Variants in HGF observed in about 807,000 individuals in gnomAD.
HGF encodes the protein fibroblast-derived tumor cytotoxic factor.
A neutral mutation model predicts 111.6 loss-of-function variants in HGF; 39 were observed. The ratio of observed to expected loss-of-function variants is 0.35; its 90% CI spans 0.27 to 0.46. The LOEUF (loss-of-function observed/expected upper bound fraction) is 0.46. Ranked by LOEUF, HGF falls within the 20% of genes least tolerant of loss-of-function variation. The pLI, the probability that HGF is intolerant of heterozygous loss-of-function variation, is 1.00. For synonymous variants in HGF, 285 were observed against 294.8 expected (o/e 0.97, Z 0.34); for missense variants, 735 against 910.5 (o/e 0.81, Z 2.48).
chr7:81,713,427 G>A (rs1789624638), intron 11 of HGF, among the ~76,000 whole-genome samples: 1 of 151,790 alleles, frequency 6.6e-6, no homozygotes, highest in Non-Finnish European at 1.5e-5. Context: ...TTGGGAGGCT[G>A]AGGCAGGAGA....
rs2116046724 is a variant in HGF at position 81,745,109 on chromosome 7, T to C, written c.637A>G (p.Thr213Ala). The C allele has an allele frequency of 2.5e-6, 4 of 1,613,918 alleles. No homozygotes were observed. The Middle Eastern group carries it at 5.0e-4, about 200-fold the overall frequency. The change falls in exon 6 of 18, where the codon ACC (threonine) becomes GCC (alanine). Residue 213 changes from threonine to alanine, a missense_variant. Thr to Ala is a moderately conservative substitution (Grantham distance 58). Transcript: ENST00000222390. ...CCTCGATAACTCTCCCCATTGCAGG[T>C]CATGCATTCAACTAATAAAATTAAA... ...IPQCSEVECM[T>A]CNGESYRGLM...
chr7:81,708,429 A>G (rs1789483982), intron 13 of HGF, among the ~76,000 whole-genome samples: 2 of 150,722 alleles, frequency 1.3e-5, no homozygotes, highest in Admixed American at 6.6e-5. Context: ...AAGTATTAAT[A>G]TATGTCTTCT....
chr7:81,734,198 T>C (rs1484620054), intron 7 of HGF, among the ~76,000 whole-genome samples: 1 of 152,124 alleles, frequency 6.6e-6, no homozygotes, highest in Non-Finnish European at 1.5e-5. Flanking sequence ...CCAGTTAACA[T>C]TGAAAATATC....
chr7:81,761,410 A>G (rs1789070458), intron 2 of HGF, among the ~76,000 whole-genome samples: 2 of 152,184 alleles, frequency 1.3e-5, no homozygotes, highest in Non-Finnish European at 2.9e-5. Context: ...TCTCAGGCCC[A>G]TAACATTTAT....
intron 9 of HGF, among the ~76,000 whole-genome samples, chr7:81,722,741 G>A (rs1210060337): frequency 1.4e-5 from 2 of 144,144 alleles, no homozygotes; most frequent in Non-Finnish European, 3.0e-5. Flanking sequence ...TTGAACCCCA[G>A]AGGCAGAGGT....
rs2115759588 is a variant in HGF, at chr7:81,705,412, T to C, written c.1988A>G (p.Lys663Arg). 2 of 1,612,838 alleles carry C rather than the reference T, an allele frequency of 1.2e-6. No individual in the cohort carries two copies. The highest frequency in any genetic ancestry group is 1.7e-6 in the Non-Finnish European group (2 of 1,179,098). ...NESEICAGAE[K>R]IGSGPCEGDY... ...TACCTCACATGGTCCTGATCCAATC[T>C]TTTCAGCCCCAGCACATATTTCAGA... Residue 663 changes from lysine (K) to arginine (R), a missense_variant, in exon 17 of 18, where the codon AAG becomes AGG. Coordinates refer to ENST00000222390, the MANE Select transcript of HGF (RefSeq NM_000601.6).
intron 17 of HGF, among the ~76,000 whole-genome samples, chr7:81,704,887 C>T (rs905365933): frequency 6.6e-6 from 1 of 151,762 alleles, no homozygotes; most frequent in Non-Finnish European, 1.5e-5. Context: ...AAGTCACAAA[C>T]TTTGACCTTT....
intron 13 of HGF, among the ~76,000 whole-genome samples, chr7:81,708,524 CTTTTTTTTTT>C (rs3081099): frequency 9.7e-5 from 7 of 72,488 alleles, no homozygotes; most frequent in South Asian, 6.1e-4. Flanking sequence ...TTCCTTCCTT[CTTTTTTTTTT>C]TTTTTTTTTT....
intron 7 of HGF, among the ~76,000 whole-genome samples, chr7:81,733,916 C>G (rs2115954577): frequency 6.6e-6 from 1 of 152,156 alleles, no homozygotes; most frequent in Non-Finnish European, 1.5e-5. Context: ...GTATAAATAT[C>G]AAAACTGGGT....
intron 3 of HGF, 65 bp downstream of exon 3, chr7:81,758,627 A>G (rs1449728134): frequency 2.9e-6 from 3 of 1,020,404 alleles, no homozygotes; most frequent in Non-Finnish European, 4.7e-6. Context: ...TCTGGCAGGA[A>G]ATTACAAACA....
At chr7:81,743,041 A>G in intron 7 of HGF, 4 of 1,094,582 alleles carry the variant, frequency 3.7e-6, no homozygotes, top group Non-Finnish European at 5.6e-6. Flanking sequence ...GTGATGCTGC[A>G]CACATTTCCG....
At position 81,743,339 on chromosome 7, in the gene HGF, T is replaced by C. The variant is rs2116020564; in HGVS notation, c.865+14A>G. On this transcript the variant is annotated intron_variant, in intron 7 of 17. Transcript: ENST00000222390. ...TGAGAGGAAAAGGAAGCAATAAATT[T>C]GACCTTCACTTACCGCATGTTTTAA... The C allele has an allele frequency of 1.4e-6, 2 of 1,431,710 alleles. No homozygotes were observed. Among genetic ancestry groups the C allele is most frequent in the Non-Finnish European group, 2.0e-6 (2 of 1,013,316 alleles). The allele number at this position is 1,431,710 out of a possible 1,614,324, so 88.7% of individuals were successfully genotyped here. A position where few individuals can be genotyped will look rare whatever the true frequency, so the allele number is the denominator to read the frequency against.
chr7:81,742,730 T>A, intron 7 of HGF: 9 of 1,434,040 alleles, frequency 6.3e-6, no homozygotes, highest in Non-Finnish European at 8.2e-6. Context: ...TCAGAAAAGC[T>A]AGGTAAGGGC....
intron 7 of HGF, 103 bp downstream of exon 7, chr7:81,743,250 A>G: frequency 2.5e-6 from 2 of 813,580 alleles, no homozygotes; most frequent in Non-Finnish European, 4.4e-6. Flanking sequence ...TGCACACATT[A>G]AAGCATCAAG....
At chr7:81,742,194 C>T (rs1340190583) in intron 7 of HGF, among the ~76,000 whole-genome samples, 1 of 152,120 alleles carries the variant, frequency 6.6e-6, no homozygotes, top group African/African-American at 2.4e-5. Context: ...TGAAAGGCTT[C>T]CAGATTCTTC....
intron 7 of HGF, among the ~76,000 whole-genome samples, chr7:81,730,351 A>G (rs572058500): frequency 6.6e-6 from 1 of 152,300 alleles, no homozygotes; most frequent in East Asian, 1.9e-4. Context: ...GCTACTTGGG[A>G]GGCTGAGCCA....
chr7:81,760,799 C>T (rs1429280149), intron 2 of HGF, among the ~76,000 whole-genome samples: 4 of 151,412 alleles, frequency 2.6e-5, no homozygotes, highest in Non-Finnish European at 4.4e-5. Context: ...GTTTTCTGCA[C>T]AGGTTGCCAT....
intron 8 of HGF, among the ~76,000 whole-genome samples, chr7:81,729,392 C>T (rs1787558083): frequency 6.6e-6 from 1 of 152,120 alleles, no homozygotes. Flanking sequence ...TCTGAACCAC[C>T]TAGGGTCCTT....
chr7:81,718,270 T>C (rs1325334485), intron 10 of HGF, among the ~76,000 whole-genome samples: 1 of 152,196 alleles, frequency 6.6e-6, no homozygotes, highest in African/African-American at 2.4e-5. Flanking sequence ...TAAACACATA[T>C]AGTACTTATT....
Sources: allele counts gnomAD v4.1 joint callset (sites outside exome capture counted in the v4.1 genomes callset), GRCh38; gene constraint gnomAD v4.1.1; transcripts MANE v1.5; gene names NCBI Gene and HGNC (gene_info 2026-07-23, HGNC 2026-07-21).